Variants in MALRD1 observed in about 807,000 individuals in gnomAD.
MALRD1 encodes MAM and LDL-receptor class A domain-containing protein 1.
A neutral mutation model predicts 242.1 loss-of-function variants in MALRD1; 247 were observed. The ratio of observed to expected loss-of-function variants is 1.02; its 90% CI spans 0.92 to 1.13. The LOEUF (loss-of-function observed/expected upper bound fraction) is 1.13. Ranked by LOEUF, MALRD1 falls within the 50% of genes most tolerant of loss-of-function variation. MALRD1 has a pLI of 0.00. For synonymous variants in MALRD1, 995 were observed against 866.6 expected, an observed-to-expected ratio of 1.15 and a Z score of -2.60; for missense variants, 2,989 against 2,533.1, an observed-to-expected ratio of 1.18 and a Z score of -3.86.
chr10:19,277,247 A>G (rs1840575281), intron 19 of MALRD1, among the ~76,000 whole-genome samples: 1 of 152,126 alleles, frequency 6.6e-6, no homozygotes, highest in Non-Finnish European at 1.5e-5. Flanking sequence ...CTTATCCCTA[A>G]AAACTGACTC....
At chr10:19,707,591 CA>C (rs1833925831) in intron 38 of MALRD1, among the ~76,000 whole-genome samples, 1 of 152,122 alleles carries the variant, frequency 6.6e-6, no homozygotes, top group Non-Finnish European at 1.5e-5. Context: ...TGAACCTGAG[CA>C]GCAGTGATTG....
chr10:19,718,793 A>G (rs1419110546), intron 38 of MALRD1, among the ~76,000 whole-genome samples: 4 of 151,952 alleles, frequency 2.6e-5, no homozygotes, highest in African/African-American at 9.7e-5. Flanking sequence ...ACCTTTTTCT[A>G]TATATATTTT....
chr10:19,427,001 G>A (rs1267515231), intron 28 of MALRD1, among the ~76,000 whole-genome samples: 1 of 152,154 alleles, frequency 6.6e-6, no homozygotes, highest in Non-Finnish European at 1.5e-5. Context: ...CTGTCGCTAT[G>A]AAGAATGTCG....
At chr10:19,283,450 G>A (rs7905010) in intron 21 of MALRD1, among the ~76,000 whole-genome samples, 56,439 of 151,900 alleles carry the variant, frequency 0.37, 11,116 homozygotes, top group African/African-American at 0.49. Flanking sequence ...AGCCCTGTTA[G>A]TATATTGTTT....
intron 36 of MALRD1, among the ~76,000 whole-genome samples, chr10:19,623,508 G>A (rs892391355): frequency 5.9e-5 from 9 of 152,088 alleles, no homozygotes; most frequent in Non-Finnish European, 1.3e-4. Flanking sequence ...TCTGCAAATT[G>A]AAGAACCAGG....
chr10:19,472,381 C>G (rs1836539527), intron 29 of MALRD1, among the ~76,000 whole-genome samples: 1 of 151,884 alleles, frequency 6.6e-6, no homozygotes, highest in South Asian at 2.1e-4. Context: ...GTGTTTTTGT[C>G]TGGCTTTGAT....
intron 28 of MALRD1, among the ~76,000 whole-genome samples, chr10:19,416,533 A>G (rs964294991): frequency 6.6e-6 from 1 of 151,988 alleles, no homozygotes; most frequent in Non-Finnish European, 1.5e-5. Context: ...CCTCATTGCC[A>G]GGTGGAAAAA....
intron 18 of MALRD1, among the ~76,000 whole-genome samples, chr10:19,227,150 T>G (rs970228642): frequency 3.3e-5 from 5 of 151,874 alleles, no homozygotes; most frequent in African/African-American, 1.2e-4. Flanking sequence ...CAAAGCTGAT[T>G]CTAATTTTTT....
intron 31 of MALRD1, among the ~76,000 whole-genome samples, chr10:19,526,546 A>G (rs868046685): frequency 6.6e-6 from 1 of 152,104 alleles, no homozygotes; most frequent in Non-Finnish European, 1.5e-5. Context: ...GCATGCATTA[A>G]TACTTTGGCC....
At position 19,209,438 on chromosome 10, in the gene MALRD1, T is replaced by C. The variant is rs1330148430; in HGVS notation, c.2749T>C (p.Ser917Pro). 4 of 1,550,954 alleles carry C rather than the reference T, an allele frequency of 2.6e-6. No individual in the cohort carries two copies. Among genetic ancestry groups the C allele is most frequent in the South Asian group, 2.4e-5 (2 of 84,060 alleles). The change falls in exon 18 of 40, where the codon TCA (serine) becomes CCA (proline). Residue 917 changes from serine to proline, a missense_variant. Transcript: ENST00000454679. Reference sequence around the variant, plus strand: ...AGGACACTATCTCTACATAGAATCTTCAGAGCCACAGGCTTTTCAAGACAG... The same window carrying C: ...AGGACACTATCTCTACATAGAATCTCCAGAGCCACAGGCTTTTCAAGACAG... ...AKGHYLYIES[S>P]EPQAFQDSAA...
chr10:19,139,847 C>T (rs1833479399), intron 10 of MALRD1, among the ~76,000 whole-genome samples: 1 of 152,064 alleles, frequency 6.6e-6, no homozygotes, highest in Admixed American at 6.6e-5. Flanking sequence ...GAACAAGGTC[C>T]CAGGTGACTT....
At chr10:19,366,067 A>AG (rs375790683) in intron 26 of MALRD1, among the ~76,000 whole-genome samples, 233 of 152,094 alleles carry the variant, frequency 1.5e-3, no homozygotes, top group African/African-American at 5.5e-3. Flanking sequence ...ACTGGGGAGT[A>AG]GGGGGAAGGG....
At chr10:19,193,862 A>G (rs1192791380) in intron 14 of MALRD1, among the ~76,000 whole-genome samples, 2 of 151,768 alleles carry the variant, frequency 1.3e-5, no homozygotes, top group African/African-American at 4.8e-5. Context: ...ATATACACAC[A>G]CATATATATA....
intron 13 of MALRD1, among the ~76,000 whole-genome samples, chr10:19,167,310 C>G (rs117842394): frequency 0.073 from 11,072 of 152,118 alleles, 493 homozygotes; most frequent in African/African-American, 0.12. Context: ...AGTGAGCTGA[C>G]ATGGCGCCAC....
At chr10:19,529,306 G>A (rs185478192) in intron 31 of MALRD1, among the ~76,000 whole-genome samples, 10 of 152,266 alleles carry the variant, frequency 6.6e-5, no homozygotes, top group Admixed American at 3.3e-4. Context: ...CTGTTTTACA[G>A]TACTTGTACT....
At chr10:19,083,011 A>G (rs972223159) in intron 2 of MALRD1, among the ~76,000 whole-genome samples, 1 of 152,028 alleles carries the variant, frequency 6.6e-6, no homozygotes, top group African/African-American at 2.4e-5. Flanking sequence ...GTGTTCTCAC[A>G]TGGTGGAAGG....
chr10:19,532,131 T>G (rs773409053), intron 32 of MALRD1, among the ~76,000 whole-genome samples: 10 of 152,236 alleles, frequency 6.6e-5, no homozygotes, highest in Non-Finnish European at 1.0e-4. Flanking sequence ...ATTCTCACCT[T>G]CACCTGATGA....
At chr10:19,206,832 A>C (rs1836808409) in intron 17 of MALRD1, among the ~76,000 whole-genome samples, 1 of 152,238 alleles carries the variant, frequency 6.6e-6, no homozygotes, top group Non-Finnish European at 1.5e-5. Flanking sequence ...TGTTTGCTTT[A>C]GCGTCAGTTT....
At chr10:19,683,197 T>C (rs569972662) in intron 36 of MALRD1, among the ~76,000 whole-genome samples, 1 of 152,164 alleles carries the variant, frequency 6.6e-6, no homozygotes, top group East Asian at 1.9e-4. Flanking sequence ...ACAGAAACTA[T>C]GGCAGTCACT....
Sources: allele counts gnomAD v4.1 joint callset (sites outside exome capture counted in the v4.1 genomes callset), GRCh38; gene constraint gnomAD v4.1.1; transcripts MANE v1.5; gene names NCBI Gene and HGNC (gene_info 2026-07-23, HGNC 2026-07-21).